Variants in TULP4 observed in about 807,000 individuals in gnomAD.
TULP4 encodes tubby-related protein 4.
TULP4 carries 16 observed loss-of-function variants against 129.0 expected under a neutral mutation model. That is an observed-to-expected ratio of 0.12 (90% CI 0.08 to 0.19). The LOEUF (loss-of-function observed/expected upper bound fraction) is 0.19, where lower values mean the gene tolerates loss of function less well. TULP4 is among the 10% of genes least tolerant of loss of function. The probability of loss-of-function intolerance (pLI) is 1.00; values close to 1 mark genes in which losing one functional copy is unlikely to be tolerated. For missense variants in TULP4, 1,842 were observed against 2,059.1 expected (o/e 0.89, Z 2.04); for synonymous variants, 998 against 854.0 (o/e 1.17, Z -2.94).
intron 1 of TULP4, among the ~76,000 whole-genome samples, chr6:158,263,895 T>C (rs1325133021): frequency 6.6e-6 from 1 of 151,706 alleles, no homozygotes; most frequent in Non-Finnish European, 1.5e-5. Flanking sequence ...AAATCTCGTC[T>C]CTACTAAAAA....
chr6:158,444,210 A>C (rs1256071055), intron 3 of TULP4, among the ~76,000 whole-genome samples: 2 of 92,892 alleles, frequency 2.2e-5, no homozygotes, highest in Non-Finnish European at 3.8e-5. Context: ...ACAGAGCAAG[A>C]CTCTGTCTCA....
intron 1 of TULP4, among the ~76,000 whole-genome samples, chr6:158,254,873 A>ACCAGC (rs1250478938): frequency 6.6e-6 from 1 of 152,204 alleles, no homozygotes; most frequent in Non-Finnish European, 1.5e-5. Flanking sequence ...GAAGTTCCAG[A>ACCAGC]CCAGCCTGGC....
chr6:158,235,615 T>G (rs1454312372), intron 1 of TULP4, among the ~76,000 whole-genome samples: 1 of 152,226 alleles, frequency 6.6e-6, no homozygotes, highest in African/African-American at 2.4e-5. Flanking sequence ...CCCGAAGTGC[T>G]TGGTTTACAG....
intron 1 of TULP4, among the ~76,000 whole-genome samples, chr6:158,354,472 T>C (rs982101649): frequency 1.3e-5 from 2 of 152,244 alleles, no homozygotes; most frequent in Admixed American, 1.3e-4. Flanking sequence ...CAAACATCTG[T>C]CTTCTTGTAG....
chr6:158,343,935 C>T (rs1165408387), intron 1 of TULP4, among the ~76,000 whole-genome samples: 2 of 152,158 alleles, frequency 1.3e-5, no homozygotes, highest in Non-Finnish European at 2.9e-5. Context: ...GTGACCTGCA[C>T]GTATACATCC....
chr6:158,378,462 A>ATTTTTT (rs1777241430), intron 1 of TULP4, among the ~76,000 whole-genome samples: 2 of 16,692 alleles, frequency 1.2e-4, no homozygotes, highest in Non-Finnish European at 1.1e-4. Flanking sequence ...TGGGGGAGCC[A>ATTTTTT]GTTTTTTTTT....
At chr6:158,415,672 T>TAAA (rs780644785) in intron 2 of TULP4, among the ~76,000 whole-genome samples, 2 of 139,838 alleles carry the variant, frequency 1.4e-5, no homozygotes, top group Admixed American at 7.2e-5. Context: ...TTCTACTTAT[T>TAAA]AAAAAAAAAA....
At chr6:158,350,747 G>A (rs1780497075) in intron 1 of TULP4, among the ~76,000 whole-genome samples, 1 of 149,372 alleles carries the variant, frequency 6.7e-6, no homozygotes, top group Non-Finnish European at 1.5e-5. Flanking sequence ...GGAGAGGGGA[G>A]ATGGGAGAGG....
chr6:158,371,521 G>T (rs140606420), intron 1 of TULP4, among the ~76,000 whole-genome samples: 52 of 152,194 alleles, frequency 3.4e-4, no homozygotes, highest in Non-Finnish European at 1.0e-4. Flanking sequence ...TGCACTGCCT[G>T]TCGTATGGAA....
intron 6 of TULP4, among the ~76,000 whole-genome samples, chr6:158,471,323 T>C (rs1024727915): frequency 6.6e-6 from 1 of 152,220 alleles, no homozygotes; most frequent in Non-Finnish European, 1.5e-5. Context: ...TGTCCATGCC[T>C]TCACTGTAAT....
intron 1 of TULP4, among the ~76,000 whole-genome samples, chr6:158,249,451 A>G (rs765047024): frequency 2.0e-5 from 3 of 152,190 alleles, no homozygotes; most frequent in Non-Finnish European, 4.4e-5. Flanking sequence ...AGTGGCACGC[A>G]TTCTGTTTCG....
intron 6 of TULP4, among the ~76,000 whole-genome samples, chr6:158,462,477 C>T (rs681872): frequency 0.42 from 62,792 of 149,818 alleles, 14,411 homozygotes; most frequent in African/African-American, 0.62. Context: ...GGGTTCACAC[C>T]GTTCTCCTGC....
At chr6:158,310,032 G>A (rs552932797), upstream of TULP4, among the ~76,000 whole-genome samples, 6 of 152,080 alleles carry the variant, frequency 3.9e-5, no homozygotes, top group South Asian at 8.3e-4. Context: ...AGAAAATGTC[G>A]GCCAAATATC....
At chr6:158,445,441 T>C (rs1779014294) in intron 3 of TULP4, among the ~76,000 whole-genome samples, 1 of 152,208 alleles carries the variant, frequency 6.6e-6, no homozygotes, top group South Asian at 2.1e-4. Flanking sequence ...GTAGGAAAAC[T>C]TGGGCAAAGA....
chr6:158,470,270 G>A (rs1054632058), intron 6 of TULP4, among the ~76,000 whole-genome samples: 1 of 152,244 alleles, frequency 6.6e-6, no homozygotes, highest in Non-Finnish European at 1.5e-5. Context: ...GGTGGACAGC[G>A]AGCGAAAGCT....
intron 2 of TULP4, among the ~76,000 whole-genome samples, chr6:158,424,748 T>C (rs1778435087): frequency 1.3e-5 from 2 of 152,184 alleles, no homozygotes; most frequent in South Asian, 2.1e-4. Context: ...TGGATACAGA[T>C]GACAAACTGT....
intron 1 of TULP4, chr6:158,237,757 G>A (rs1340983082): frequency 3.7e-6 from 3 of 800,462 alleles, no homozygotes; most frequent in Non-Finnish European, 6.8e-6. Context: ...CCAAATGTAT[G>A]TAGCACCAGG....
chr6:158,291,123 A>G (rs985862636), intron 1 of TULP4, among the ~76,000 whole-genome samples: 5 of 152,228 alleles, frequency 3.3e-5, no homozygotes, highest in African/African-American at 9.6e-5. Context: ...TTGAACAGAC[A>G]TTGTTTAATT....
At chr6:158,415,113 C>T (rs1049733953) in intron 2 of TULP4, among the ~76,000 whole-genome samples, 2 of 152,166 alleles carry the variant, frequency 1.3e-5, no homozygotes, top group South Asian at 2.1e-4. Flanking sequence ...ACTGCATATA[C>T]GACGGTGATC....
Sources: allele counts gnomAD v4.1 joint callset (sites outside exome capture counted in the v4.1 genomes callset), GRCh38; gene constraint gnomAD v4.1.1; transcripts MANE v1.5; gene names NCBI Gene and HGNC (gene_info 2026-07-23, HGNC 2026-07-21).